Variants in ZNRF1 observed in about 807,000 individuals in gnomAD.
The protein encoded by ZNRF1 is E3 ubiquitin-protein ligase ZNRF1.
Under a neutral mutation model 18.4 loss-of-function variants are expected in ZNRF1, and 3 were observed. That is an observed-to-expected ratio of 0.16 (90% CI 0.07 to 0.42). The LOEUF is 0.42. Ranked by LOEUF, ZNRF1 falls within the 10% of genes least tolerant of loss-of-function variation. ZNRF1 has a pLI of 0.99. For missense variants in ZNRF1, 310 were observed against 329.8 expected (o/e 0.94, Z 0.47); for synonymous variants, 157 against 144.2 (o/e 1.09, Z -0.64).
chr16:75,020,656 T>C (rs1204995029), intron 1 of ZNRF1, among the ~76,000 whole-genome samples: 2 of 151,954 alleles, frequency 1.3e-5, no homozygotes, highest in Middle Eastern at 3.4e-3. Flanking sequence ...ATTCTCTTGC[T>C]TCAGCCTCCC....
intron 1 of ZNRF1, among the ~76,000 whole-genome samples, chr16:75,091,559 A>G (rs11643567): frequency 0.93 from 134,902 of 145,734 alleles, 62,465 homozygotes; most frequent in Non-Finnish European, 0.93. Context: ...TTGAGACAGG[A>G]TCTTGCTCTG....
chr16:75,024,017 C>G (rs991220158), intron 1 of ZNRF1, among the ~76,000 whole-genome samples: 4 of 151,766 alleles, frequency 2.6e-5, no homozygotes, highest in Admixed American at 6.6e-5. Context: ...ACTACAGGTG[C>G]GTGCCACCAC....
intron 1 of ZNRF1, among the ~76,000 whole-genome samples, chr16:75,042,534 TG>T (rs2035463407): frequency 6.6e-6 from 1 of 151,610 alleles, no homozygotes; most frequent in Non-Finnish European, 1.5e-5. Flanking sequence ...TGAATTCCCT[TG>T]GCAGAATCAA....
rs2034986440 is a variant in ZNRF1, at chr16:75,010,711, G to GTTTTTGT, written c.424+10621_424+10622insGTTTTTT. ...CCTCTGTACTGTACTGTTTTTTTTTGTTTTTTTGTTTTTTTTTTTTTGAGG... is the reference window on the plus strand; with the variant it reads ...CCTCTGTACTGTACTGTTTTTTTTTGTTTTTGTTTTTTTTGTTTTTTTTTTTTTGAGG... On this transcript the variant is annotated intron_variant, in intron 1 of 4. Transcript: ENST00000335325. Among the ~76,000 whole-genome samples, 25 of 74,302 alleles carry GTTTTTGT rather than the reference G, an allele frequency of 3.4e-4. 1 individual carries two copies. The highest frequency in any genetic ancestry group is 4.4e-4 in the Non-Finnish European group (14 of 31,880). The allele number at this position is 74,302 out of a possible 152,430, so 48.7% of individuals were successfully genotyped here. A position where few individuals can be genotyped will look rare whatever the true frequency, so the allele number is the denominator to read the frequency against.
At chr16:75,023,684 A>C (rs1315355786) in intron 1 of ZNRF1, among the ~76,000 whole-genome samples, 1 of 124,434 alleles carries the variant, frequency 8.0e-6, no homozygotes, top group African/African-American at 2.5e-5. Flanking sequence ...ACTCCATCAA[A>C]CAAACAAACA....
chr16:75,047,787 C>T (rs1052532190), intron 1 of ZNRF1, among the ~76,000 whole-genome samples: 2 of 152,152 alleles, frequency 1.3e-5, no homozygotes, highest in Admixed American at 6.6e-5. Flanking sequence ...GTAGCTTAAA[C>T]AACAGAAATG....
chr16:75,014,680 G>A (rs753372320), intron 1 of ZNRF1, among the ~76,000 whole-genome samples: 16 of 152,074 alleles, frequency 1.1e-4, no homozygotes, highest in Non-Finnish European at 2.1e-4. Flanking sequence ...GTGCATGCGT[G>A]CATGTGTGTG....
chr16:75,060,758 G>A lies in ZNRF1; in HGVS notation c.425-32814G>A, dbSNP rs144161717. Among the ~76,000 whole-genome samples the A allele has an allele frequency of 7.2e-3, 1,097 of 152,180 alleles. 9 individuals are homozygous for A. The highest frequency in any genetic ancestry group is 0.026 in the African/African-American group (1,061 of 41,524). ...CTCCCAAAGTGCTGAGATTACAGGCGTGAGCCACCGCGCCCGGCCAGAAAC... is the reference window on the plus strand; with the variant it reads ...CTCCCAAAGTGCTGAGATTACAGGCATGAGCCACCGCGCCCGGCCAGAAAC... On this transcript the variant is annotated intron_variant, in intron 1 of 4. Coordinates refer to ENST00000335325, the MANE Select transcript of ZNRF1 (RefSeq NM_032268.5).
chr16:75,034,225 A>G (rs1179453395), intron 1 of ZNRF1, among the ~76,000 whole-genome samples: 2 of 152,198 alleles, frequency 1.3e-5, no homozygotes, highest in Admixed American at 6.5e-5. Context: ...AAATATATTT[A>G]CATTGTTATG....
chr16:75,063,152 A>T (rs924584912), intron 1 of ZNRF1, among the ~76,000 whole-genome samples: 2 of 152,184 alleles, frequency 1.3e-5, no homozygotes, highest in Non-Finnish European at 2.9e-5. Flanking sequence ...GTGGTTAGGG[A>T]CAGGCCTGGA....
At chr16:75,022,614 A>C (rs1171099612) in intron 1 of ZNRF1, among the ~76,000 whole-genome samples, 1 of 152,190 alleles carries the variant, frequency 6.6e-6, no homozygotes, top group Non-Finnish European at 1.5e-5. Flanking sequence ...TAAATAAATA[A>C]ATTTAAATTA....
intron 1 of ZNRF1, among the ~76,000 whole-genome samples, chr16:75,044,036 C>T (rs2035483463): frequency 6.6e-6 from 1 of 152,056 alleles, no homozygotes. Flanking sequence ...TGGTCTTGAA[C>T]TGCTGACCTC....
At chr16:75,062,196 A>G (rs1418641211) in intron 1 of ZNRF1, among the ~76,000 whole-genome samples, 1 of 152,216 alleles carries the variant, frequency 6.6e-6, no homozygotes. Flanking sequence ...TTGTAATAAC[A>G]TGCTTAGAAC....
Position 75,093,673 on chromosome 16 carries a change from G to A in ZNRF1, c.520+6G>A, listed in dbSNP as rs1186092660. 6.2e-7 allele frequency: 1 copy of A among 1,612,348 alleles called. No individual in the cohort carries two copies. Among genetic ancestry groups the A allele is most frequent in the Non-Finnish European group, 8.5e-7 (1 of 1,178,532 alleles). On this transcript the variant is annotated splice_donor_region_variant and intron_variant, in intron 2 of 4. Transcript: ENST00000335325. ...ACCTCGCCTCTCCTACAACGGTAAG[G>A]GCTTGGCCTGCCTCACCAGCCTCCA...
intron 1 of ZNRF1, among the ~76,000 whole-genome samples, chr16:75,043,572 T>A (rs2035476312): frequency 6.6e-6 from 1 of 152,146 alleles, no homozygotes; most frequent in South Asian, 2.1e-4. Context: ...ATGCAAGGAA[T>A]CATTTTCAGT....
chr16:75,040,476 G>C (rs1433381301), intron 1 of ZNRF1, among the ~76,000 whole-genome samples: 2 of 151,714 alleles, frequency 1.3e-5, no homozygotes, highest in Admixed American at 6.6e-5. Flanking sequence ...TCCCCACCGG[G>C]CAACTGCTAT....
chr16:75,027,651 A>G (rs1597866207), intron 1 of ZNRF1, among the ~76,000 whole-genome samples: 1 of 152,070 alleles, frequency 6.6e-6, no homozygotes. Context: ...TGCCTCATGT[A>G]CTACACTCTC....
At chr16:75,073,372 C>G (rs2035898096) in intron 1 of ZNRF1, among the ~76,000 whole-genome samples, 1 of 151,924 alleles carries the variant, frequency 6.6e-6, no homozygotes, top group African/African-American at 2.4e-5. Context: ...ACATGTTTGA[C>G]ACACTATTGC....
rs2034810093 is a variant in ZNRF1, at chr16:74,999,643, G to T, written c.-29G>T. 2 of 1,326,416 alleles carry T rather than the reference G, an allele frequency of 1.5e-6. No individual in the cohort carries two copies. The highest frequency in any genetic ancestry group is 1.9e-6 in the Non-Finnish European group (2 of 1,043,486). The allele number at this position is 1,326,416 out of a possible 1,614,324, so 82.2% of individuals were successfully genotyped here. ...AGTGGGGGAGGGTCTCGGCCTCCAG[G>T]TTCCCGCCCCACCGGGGCCCGGGCG... On this transcript the variant is annotated 5_prime_UTR_variant, in exon 1 of 5. Transcript: ENST00000335325.
Sources: gnomAD v4.1 joint callset for allele counts (sites outside exome capture counted in the v4.1 genomes callset) on GRCh38, gnomAD v4.1.1 for gene constraint, MANE v1.5 for transcripts, NCBI Gene and HGNC (gene_info 2026-07-23, HGNC 2026-07-21) for gene names.